The following PACRG variants were observed in gnomAD, a reference collection of about 807,000 sequenced individuals.
PACRG encodes the protein parkin coregulated.
Under a neutral mutation model 29.7 loss-of-function variants are expected in PACRG, and 29 were observed. That is an observed-to-expected ratio of 0.98 (90% CI 0.73 to 1.33). The LOEUF is 1.33. Ranked by LOEUF, PACRG falls within the 40% of genes most tolerant of loss-of-function variation. PACRG has a pLI of 0.00. For missense variants in PACRG, 279 were observed against 316.2 expected, an observed-to-expected ratio of 0.88 and a Z score of 0.89; for synonymous variants, 116 against 118.7, an observed-to-expected ratio of 0.98 and a Z score of 0.15.
intron 2 of PACRG, among the ~76,000 whole-genome samples, chr6:162,925,294 C>G (rs1797351034): frequency 6.6e-6 from 1 of 152,092 alleles, no homozygotes; most frequent in African/African-American, 2.4e-5. Context: ...AAAGGAGGGA[C>G]TTCTCCCTAA....
At chr6:163,186,206 C>A (rs1779921701) in intron 4 of PACRG, among the ~76,000 whole-genome samples, 2 of 152,158 alleles carry the variant, frequency 1.3e-5, no homozygotes, top group African/African-American at 4.8e-5. Context: ...TTTCCCCCTT[C>A]CCCCAAGAAT....
chr6:162,837,707 G>C (rs1263106183), intron 2 of PACRG, among the ~76,000 whole-genome samples: 5 of 152,054 alleles, frequency 3.3e-5, no homozygotes, highest in Admixed American at 2.0e-4. Context: ...ATAGAACTGA[G>C]ACAACCTTAA....
At chr6:163,297,004 A>C (rs1452355302) in intron 4 of PACRG, among the ~76,000 whole-genome samples, 1 of 152,234 alleles carries the variant, frequency 6.6e-6, no homozygotes, top group African/African-American at 2.4e-5. Flanking sequence ...CCTTAACTTG[A>C]ATAGCTGTCA....
intron 2 of PACRG, among the ~76,000 whole-genome samples, chr6:162,877,999 G>A (rs926899142): frequency 7.2e-5 from 11 of 152,114 alleles, no homozygotes; most frequent in South Asian, 2.1e-4. Flanking sequence ...CTTTACCTAA[G>A]GTTATAGATA....
chr6:163,220,192 A>G (rs1164105525), intron 4 of PACRG, among the ~76,000 whole-genome samples: 1 of 151,904 alleles, frequency 6.6e-6, no homozygotes, highest in Admixed American at 6.6e-5. Flanking sequence ...TGCGACAGAT[A>G]GAGTCAGGAC....
chr6:162,821,700 A>G (rs1399311835), intron 2 of PACRG, among the ~76,000 whole-genome samples: 2 of 152,160 alleles, frequency 1.3e-5, no homozygotes, highest in African/African-American at 4.8e-5. Flanking sequence ...GCTTGTCAGA[A>G]TGTTCTGTTT....
At chr6:163,201,737 C>G (rs1263920901) in intron 4 of PACRG, among the ~76,000 whole-genome samples, 1 of 152,208 alleles carries the variant, frequency 6.6e-6, no homozygotes, top group African/African-American at 2.4e-5. Context: ...ACCTCACCTG[C>G]GCAATTAGGT....
intron 2 of PACRG, among the ~76,000 whole-genome samples, chr6:162,860,244 C>T (rs1791752081): frequency 6.6e-6 from 1 of 152,074 alleles, no homozygotes; most frequent in African/African-American, 2.4e-5. Context: ...TAATTCCATA[C>T]CTATTGTATC....
intron 1 of PACRG, among the ~76,000 whole-genome samples, chr6:162,751,879 A>G (rs1345875705): frequency 6.6e-6 from 1 of 152,212 alleles, no homozygotes; most frequent in Non-Finnish European, 1.5e-5. Flanking sequence ...TCTCCAGAAC[A>G]CTGCTTTGTG....
chr6:163,233,967 T>C (rs1782140287), intron 4 of PACRG, among the ~76,000 whole-genome samples: 2 of 152,194 alleles, frequency 1.3e-5, no homozygotes, highest in Admixed American at 1.3e-4. Flanking sequence ...TGGGGCTCAA[T>C]AAGAAATGCC....
chr6:163,001,578 T>C (rs942941902), intron 2 of PACRG, among the ~76,000 whole-genome samples: 4 of 152,216 alleles, frequency 2.6e-5, no homozygotes, highest in African/African-American at 9.6e-5. Flanking sequence ...CTCAAGTCTC[T>C]ATCTTGTACA....
At chr6:163,005,137 G>A (rs1804947735) in intron 2 of PACRG, among the ~76,000 whole-genome samples, 5 of 151,978 alleles carry the variant, frequency 3.3e-5, no homozygotes, top group African/African-American at 9.7e-5. Flanking sequence ...TGTGGAATCT[G>A]TAGTGGTATC....
intron 4 of PACRG, among the ~76,000 whole-genome samples, chr6:163,100,374 G>A (rs2128313283): frequency 6.6e-6 from 1 of 152,296 alleles, no homozygotes; most frequent in Non-Finnish European, 1.5e-5. Flanking sequence ...TGCTGCCTCG[G>A]CCTTTCCATT....
chr6:163,298,008 C>T lies in PACRG; in HGVS notation c.614-16819C>T, dbSNP rs562262229. Among the ~76,000 whole-genome samples, 5 of 152,214 alleles carry T rather than the reference C, an allele frequency of 3.3e-5. No homozygotes were observed. The South Asian group carries it at 1.0e-3, about 32-fold the overall frequency. On this transcript the variant is annotated intron_variant, in intron 4 of 4. Coordinates refer to ENST00000366888, the MANE Select transcript of PACRG (RefSeq NM_001080379.2). The stretch of plus-strand genomic sequence containing the variant: ...GTGCCCAAGGTGGTGGCCCGGGATA[C>T]CTGGGCACCTTTAGAAGTGATAGTG...
At chr6:163,011,961 G>GT (rs1805660195) in intron 2 of PACRG, among the ~76,000 whole-genome samples, 1 of 152,174 alleles carries the variant, frequency 6.6e-6, no homozygotes, top group Non-Finnish European at 1.5e-5. Flanking sequence ...GCATGAAGCT[G>GT]TATCTCCTGT....
chr6:163,286,495 C>T (rs1213387729), intron 4 of PACRG, among the ~76,000 whole-genome samples: 1 of 152,068 alleles, frequency 6.6e-6, no homozygotes, highest in East Asian at 1.9e-4. Flanking sequence ...ATTCTCAATC[C>T]CTTTCAAAGT....
At chr6:162,780,640 T>C (rs897355711) in intron 1 of PACRG, among the ~76,000 whole-genome samples, 4 of 152,148 alleles carry the variant, frequency 2.6e-5, no homozygotes, top group Non-Finnish European at 5.9e-5. Context: ...ATAGTTCTTA[T>C]GACTATACTT....
At chr6:162,738,202 C>T (rs192217299) in intron 1 of PACRG, among the ~76,000 whole-genome samples, 15 of 152,106 alleles carry the variant, frequency 9.9e-5, no homozygotes, top group African/African-American at 1.4e-4. Flanking sequence ...TATATGTATT[C>T]GTATATCCTA....
chr6:162,848,964 T>G (rs1790636937), intron 2 of PACRG, among the ~76,000 whole-genome samples: 1 of 152,038 alleles, frequency 6.6e-6, no homozygotes, highest in Non-Finnish European at 1.5e-5. Context: ...GAGAGCAACT[T>G]TAGGGGAAAG....
Sources: allele counts gnomAD v4.1 joint callset (sites outside exome capture counted in the v4.1 genomes callset), GRCh38; gene constraint gnomAD v4.1.1; transcripts MANE v1.5; gene names NCBI Gene and HGNC (gene_info 2026-07-23, HGNC 2026-07-21).